Variants in TXN observed in about 807,000 individuals in gnomAD.
TXN encodes ADF.
Under a neutral mutation model 16.5 loss-of-function variants are expected in TXN, and 10 were observed. The observed-to-expected ratio is 0.61, with a 90% CI of 0.37 to 1.03. The LOEUF is 1.03. Ranked by LOEUF, TXN falls within the 50% of genes least tolerant of loss-of-function variation. The pLI is 0.01. For synonymous variants in TXN, 35 were observed against 39.4 expected, an observed-to-expected ratio of 0.89 and a Z score of 0.42; for missense variants, 71 against 122.5, an observed-to-expected ratio of 0.58 and a Z score of 1.98.
At chr9:110,254,465 T>G (rs1181052713) in intron 1 of TXN, among the ~76,000 whole-genome samples, 1 of 152,208 alleles carries the variant, frequency 6.6e-6, no homozygotes, top group Non-Finnish European at 1.5e-5. Context: ...GAGGTTGCAG[T>G]GGGCCGAGAT....
At chr9:110,247,790 AT>A (rs1837677625) in intron 3 of TXN, among the ~76,000 whole-genome samples, 1 of 152,090 alleles carries the variant, frequency 6.6e-6, no homozygotes, top group Non-Finnish European at 1.5e-5. Context: ...ACTCCTACTT[AT>A]TTTTTTAAAA....
At chr9:110,255,723 A>G (rs1837800652) in intron 1 of TXN, among the ~76,000 whole-genome samples, 1 of 152,126 alleles carries the variant, frequency 6.6e-6, no homozygotes, top group Admixed American at 6.5e-5. Context: ...GGCCTCCTGG[A>G]CAGACCTGCA....
At position 110,243,945 on chromosome 9, in the gene TXN, T is replaced by C. The variant is rs953380820; in HGVS notation, c.*212A>G. On this transcript the variant is annotated 3_prime_UTR_variant, in exon 5 of 5. Coordinates refer to ENST00000374517, the MANE Select transcript of TXN (RefSeq NM_003329.4). ...GGCCTACAAGGTTACTAAAAAGTGA[T>C]TGAGAATATAGGAAAATACATTAAA... 1.3e-4 allele frequency: 37 copies of C among 279,178 alleles called. No homozygotes were observed. Among genetic ancestry groups the C allele is most frequent in the Non-Finnish European group, 2.0e-4 (30 of 147,310 alleles). The allele number at this position is 279,178 out of a possible 1,614,324, so 17.3% of individuals were successfully genotyped here. A position where few individuals can be genotyped will look rare whatever the true frequency, so the allele number is the denominator to read the frequency against.
At chr9:110,255,457 A>C (rs1467010044) in intron 1 of TXN, among the ~76,000 whole-genome samples, 3 of 152,242 alleles carry the variant, frequency 2.0e-5, no homozygotes, top group Non-Finnish European at 4.4e-5. Flanking sequence ...TTTTAAGAGG[A>C]CAAAACAACG....
chr9:110,251,999 G>A (rs1366360917), intron 1 of TXN, among the ~76,000 whole-genome samples: 2 of 152,038 alleles, frequency 1.3e-5, no homozygotes, highest in African/African-American at 4.8e-5. Context: ...GCCGAGGTGG[G>A]CGGATCACTA....
chr9:110,245,071 A>G (rs1837629416), intron 3 of TXN: 1 of 353,312 alleles, frequency 2.8e-6, no homozygotes, highest in Non-Finnish European at 5.4e-6. Flanking sequence ...ACTTCCTTTG[A>G]CGGGCACATT....
chr9:110,254,796 T>C (rs1460912954), intron 1 of TXN, among the ~76,000 whole-genome samples: 5 of 152,320 alleles, frequency 3.3e-5, no homozygotes, highest in Admixed American at 6.5e-5. Context: ...ACAACTAACA[T>C]AGACCACTCA....
intron 4 of TXN, 80 bp from the exon 5 acceptor site, chr9:110,244,299 T>TTATATATATACATATATG: frequency 2.7e-6 from 1 of 367,000 alleles, no homozygotes; most frequent in South Asian, 6.2e-5. Context: ...AAATATGTAT[T>TTATATATATACATATATG]TATATATATA....
Position 110,250,794 on chromosome 9 carries a change from A to G in TXN, c.189+26T>C, listed in dbSNP as rs762187325. 6.4e-6 allele frequency: 10 copies of G among 1,560,010 alleles called. No homozygotes were observed. In the South Asian group the frequency reaches 6.8e-5, roughly 11 times the overall value. On this transcript the variant is annotated intron_variant, in intron 3 of 4. Coordinates refer to ENST00000374517, the MANE Select transcript of TXN (RefSeq NM_003329.4). ...AAAAGGCCAATGTGAAAAGCTCAGC[A>G]GTATCTCATATTTCCAGCTACATAC... is the stretch of plus-strand genomic sequence containing the variant.
Position 110,244,781 on chromosome 9 carries a change from T to C in TXN, c.252A>G (p.Gln84=), listed in dbSNP as rs761149443. Reference sequence around the variant, plus strand: ...TTTAAAGGTCAGATGTACGTACCTTTTGTCCCTTCTTAAAAAACTGGAATG... The same window carrying C: ...TTTAAAGGTCAGATGTACGTACCTTCTGTCCCTTCTTAAAAAACTGGAATG... ...MPTFQFFKKG[Q]KVGEFSGANK... The change falls in exon 4 of 5, where the codon CAA becomes CAG. Residue 84 remains glutamine (Q), a synonymous_variant. Transcript: ENST00000374517. 1.2e-6 allele frequency: 2 copies of C among 1,612,550 alleles called. No individual in the cohort carries two copies. The highest frequency in any genetic ancestry group is 1.7e-6 in the Non-Finnish European group (2 of 1,178,810).
intron 1 of TXN, among the ~76,000 whole-genome samples, chr9:110,254,977 G>A (rs1481236563): frequency 6.6e-6 from 1 of 152,166 alleles, no homozygotes; most frequent in Non-Finnish European, 1.5e-5. Flanking sequence ...CACTACTAAG[G>A]ATCTTTTCAA....
intron 1 of TXN, among the ~76,000 whole-genome samples, chr9:110,254,318 C>T (rs1021144252): frequency 6.6e-6 from 1 of 152,138 alleles, no homozygotes; most frequent in Admixed American, 6.5e-5. Context: ...GTCAGGAGTT[C>T]GAGACAAACC....
At position 110,256,482 on chromosome 9, in the gene TXN, G is replaced by C. The variant is rs747543709; in HGVS notation, c.-47C>G. ...AGCGGCTGTAAGGACCGATGGAAAT[G>C]GATCCAAAGCACCAAACAGAGCTTC... On this transcript the variant is annotated 5_prime_UTR_variant, in exon 1 of 5. Coordinates refer to ENST00000374517, the MANE Select transcript of TXN (RefSeq NM_003329.4). The surrounding 1 kb of genome is among the most constrained non-coding windows in gnomAD (Gnocchi z 4.2). 6.3e-7 allele frequency: 1 copy of C among 1,587,630 alleles called. No individual in the cohort carries two copies. The highest frequency in any genetic ancestry group is 1.1e-5 in the South Asian group (1 of 88,046).
At chr9:110,245,654 A>ATATATTTTTTT (rs1232332404) in intron 3 of TXN, among the ~76,000 whole-genome samples, 3 of 21,772 alleles carry the variant, frequency 1.4e-4, no homozygotes, top group African/African-American at 5.9e-4. Flanking sequence ...ATATATATAT[A>ATATATTTTTTT]TTTTTTTTTT....
chr9:110,250,080 G>A (rs1426748717), intron 3 of TXN, among the ~76,000 whole-genome samples: 1 of 152,230 alleles, frequency 6.6e-6, no homozygotes, highest in African/African-American at 2.4e-5. Context: ...CCTCCGATGG[G>A]TAGTGCTTAA....
chr9:110,251,548 C>G (rs990305446), intron 1 of TXN, 86 bp from the exon 2 acceptor site: 1 of 297,326 alleles, frequency 3.4e-6, no homozygotes, highest in Non-Finnish European at 6.1e-6. Flanking sequence ...ACACAAAGCA[C>G]ATTCTGGAGG....
chr9:110,256,277 C>A lies in TXN; in HGVS notation c.24+135G>T. 1.0e-6 allele frequency: 1 copy of A among 996,678 alleles called. No individual in the cohort carries two copies. The highest frequency in any genetic ancestry group is 1.5e-6 in the Non-Finnish European group (1 of 664,188). The allele number at this position is 996,678 out of a possible 1,614,324, so 61.7% of individuals were successfully genotyped here. On this transcript the variant is annotated intron_variant, in intron 1 of 4. Coordinates refer to ENST00000374517, the MANE Select transcript of TXN (RefSeq NM_003329.4). This position sits in a 1 kb window ranked among gnomAD's most constrained non-coding sequence, Gnocchi z 4.2. ...GCAGTCCCAGGCCGAGACGCCGCGT[C>A]CCTTTCCCCTGGCGATGCGGAGGGG... is the stretch of plus-strand genomic sequence containing the variant.
Position 110,256,492 on chromosome 9 carries a change from C to A in TXN, c.-57G>T. On this transcript the variant is annotated 5_prime_UTR_variant, in exon 1 of 5. Coordinates refer to ENST00000374517, the MANE Select transcript of TXN (RefSeq NM_003329.4). The surrounding 1 kb of genome is among the most constrained non-coding windows in gnomAD (Gnocchi z 4.2). ...AGGACCGATGGAAATGGATCCAAAG[C>A]ACCAAACAGAGCTTCAAGACTCGCT... 3.8e-6 allele frequency: 6 copies of A among 1,567,448 alleles called. No individual in the cohort carries two copies. The highest frequency in any genetic ancestry group is 5.2e-6 in the Non-Finnish European group (6 of 1,150,718).
chr9:110,245,618 CTATATATATATATATATA>C (rs1170640168), intron 3 of TXN, among the ~76,000 whole-genome samples: 5 of 30,890 alleles, frequency 1.6e-4, no homozygotes, highest in African/African-American at 6.9e-4. Flanking sequence ...CACACACACA[CTATATATATATATATATA>C]TATATATATA....
Sources: allele counts gnomAD v4.1 joint callset (sites outside exome capture counted in the v4.1 genomes callset), GRCh38; gene constraint gnomAD v4.1.1; non-coding constraint Gnocchi (gnomAD v3.1); transcripts MANE v1.5; gene names NCBI Gene and HGNC (gene_info 2026-07-23, HGNC 2026-07-21).